Variants in SNTG1 observed in about 807,000 individuals in gnomAD.
SNTG1 encodes gamma-1-syntrophin.
A neutral mutation model predicts 74.7 loss-of-function variants in SNTG1; 39 were observed. The ratio of observed to expected loss-of-function variants is 0.52; its 90% CI spans 0.40 to 0.68. The LOEUF is 0.68. Among genes scored for constraint, SNTG1 ranks in the 30% least tolerant of loss-of-function variants. The pLI is 0.00. For missense variants in SNTG1, 685 were observed against 609.5 expected (o/e 1.12, Z -1.30); for synonymous variants, 254 against 217.1 (o/e 1.17, Z -1.49).
chr8:50,693,861 A>G (rs912444538), intron 15 of SNTG1, among the ~76,000 whole-genome samples: 1 of 152,184 alleles, frequency 6.6e-6, no homozygotes, highest in Non-Finnish European at 1.5e-5. Context: ...TGAACAACCA[A>G]TGGGTCAATG....
chr8:49,979,249 TGA>T (rs968885035), intron 1 of SNTG1, among the ~76,000 whole-genome samples: 1 of 152,178 alleles, frequency 6.6e-6, no homozygotes, highest in Non-Finnish European at 1.5e-5. Flanking sequence ...CGCCTGGGAC[TGA>T]GTGTCCTCCT....
chr8:50,010,557 A>G (rs528859898), intron 1 of SNTG1, among the ~76,000 whole-genome samples: 40 of 152,278 alleles, frequency 2.6e-4, no homozygotes, highest in African/African-American at 9.4e-4. Context: ...ATATACCCTA[A>G]AGAATCACCA....
chr8:50,148,247 G>A (rs2081939911), intron 1 of SNTG1, among the ~76,000 whole-genome samples: 1 of 152,048 alleles, frequency 6.6e-6, no homozygotes, highest in South Asian at 2.1e-4. Flanking sequence ...GGCACAGGGG[G>A]ATCTTCCTTG....
At chr8:50,377,432 G>C (rs2092407616) in intron 2 of SNTG1, among the ~76,000 whole-genome samples, 1 of 151,900 alleles carries the variant, frequency 6.6e-6, no homozygotes, top group Non-Finnish European at 1.5e-5. Flanking sequence ...TCAGTTTTTT[G>C]GAAAACGTTT....
intron 1 of SNTG1, among the ~76,000 whole-genome samples, chr8:50,158,581 T>C (rs2082321139): frequency 6.6e-6 from 1 of 152,190 alleles, no homozygotes; most frequent in African/African-American, 2.4e-5. Context: ...TTTTCAACTA[T>C]GCAATTATTG....
At chr8:49,944,028 A>T (rs1385101167) in intron 1 of SNTG1, among the ~76,000 whole-genome samples, 1 of 152,234 alleles carries the variant, frequency 6.6e-6, no homozygotes, top group Admixed American at 6.5e-5. Flanking sequence ...TCACTATATT[A>T]TCACTGAAGT....
chr8:50,530,049 A>G (rs1424085279), intron 9 of SNTG1, 128 bp from the exon 10 acceptor site: 2 of 765,910 alleles, frequency 2.6e-6, no homozygotes, highest in African/African-American at 3.5e-5. Context: ...TATAACTGAG[A>G]TAAAATTGTA....
chr8:50,458,033 A>G (rs959007848), intron 8 of SNTG1: 1 of 152,236 alleles, frequency 6.6e-6, no homozygotes, highest in Non-Finnish European at 1.5e-5. Context: ...TGTTGCAAAC[A>G]GGGTTCACCC....
intron 12 of SNTG1, among the ~76,000 whole-genome samples, chr8:50,584,372 C>A (rs139327244): frequency 0.012 from 1,885 of 151,878 alleles, 43 homozygotes; most frequent in African/African-American, 0.042. Flanking sequence ...ACTAGTTTAC[C>A]GTCCCACCAA....
chr8:50,782,110 C>T (rs544143069), intron 18 of SNTG1, among the ~76,000 whole-genome samples: 5 of 152,236 alleles, frequency 3.3e-5, no homozygotes, highest in South Asian at 4.1e-4. Flanking sequence ...GTGGCTAACC[C>T]GACCTTTCTC....
chr8:50,228,258 G>A (rs1477256952), intron 2 of SNTG1, among the ~76,000 whole-genome samples: 3 of 151,598 alleles, frequency 2.0e-5, no homozygotes, highest in Non-Finnish European at 4.4e-5. Context: ...AAAGCAAAAG[G>A]AATAAAAGAA....
intron 1 of SNTG1, among the ~76,000 whole-genome samples, chr8:50,145,974 A>T (rs1325186278): frequency 1.7e-5 from 1 of 57,764 alleles, no homozygotes; most frequent in Non-Finnish European, 3.1e-5. Context: ...AATAATAATA[A>T]AAAAAAAAAG....
chr8:50,352,352 C>T (rs2091687244), intron 2 of SNTG1, among the ~76,000 whole-genome samples: 1 of 151,898 alleles, frequency 6.6e-6, no homozygotes, highest in Non-Finnish European at 1.5e-5. Context: ...CACAGTTATT[C>T]AAAACATCTG....
intron 1 of SNTG1, among the ~76,000 whole-genome samples, chr8:50,023,927 A>G (rs931346880): frequency 6.6e-5 from 10 of 152,120 alleles, no homozygotes; most frequent in African/African-American, 1.2e-4. Flanking sequence ...GTGAGTCCAT[A>G]GGGTTTTGGC....
chr8:50,676,172 T>G (rs920443367), intron 15 of SNTG1, among the ~76,000 whole-genome samples: 4 of 152,056 alleles, frequency 2.6e-5, no homozygotes, highest in Non-Finnish European at 4.4e-5. Flanking sequence ...ATTTGCATGG[T>G]GGCCTTTCTT....
intron 17 of SNTG1, among the ~76,000 whole-genome samples, chr8:50,725,069 A>G (rs2131602346): frequency 6.6e-6 from 1 of 152,304 alleles, no homozygotes; most frequent in South Asian, 2.1e-4. Flanking sequence ...ATTCAAAATG[A>G]GTATATTTCA....
At chr8:50,516,464 T>C (rs1311633888) in intron 9 of SNTG1, among the ~76,000 whole-genome samples, 2 of 151,810 alleles carry the variant, frequency 1.3e-5, no homozygotes, top group African/African-American at 4.8e-5. Flanking sequence ...TTGACAGTAG[T>C]AGTCTTCAGA....
At chr8:50,210,546 A>AGTTTCTC (rs2084471292) in intron 2 of SNTG1, among the ~76,000 whole-genome samples, 1 of 152,224 alleles carries the variant, frequency 6.6e-6, no homozygotes, top group Non-Finnish European at 1.5e-5. Flanking sequence ...GAAACTGTAC[A>AGTTTCTC]AGCCAGAAGA....
At chr8:50,635,179 AT>A (rs2095030910) in intron 13 of SNTG1, among the ~76,000 whole-genome samples, 3 of 152,296 alleles carry the variant, frequency 2.0e-5, no homozygotes, top group African/African-American at 7.2e-5. Flanking sequence ...TGCAGATGAG[AT>A]TTCTTGGCAT....
Sources: allele counts gnomAD v4.1 joint callset (sites outside exome capture counted in the v4.1 genomes callset), GRCh38; gene constraint gnomAD v4.1.1; transcripts MANE v1.5; gene names NCBI Gene and HGNC (gene_info 2026-07-23, HGNC 2026-07-21).